Variants in BACC1 observed in about 807,000 individuals in gnomAD.
BACC1 encodes BPTF associated chromatin complex component 1.
the BACC1 span, chr17:7,016,497 C>T: frequency 1.2e-6 from 2 of 1,612,708 alleles, no homozygotes; most frequent in Non-Finnish European, 1.7e-6. Flanking sequence ...TTCTTCAGGG[C>T]CCAGATAAAG....
At chr17:7,017,254 CA>C in the BACC1 span, 1 of 1,614,114 alleles carries the variant, frequency 6.2e-7, no homozygotes, top group South Asian at 1.1e-5. Context: ...CTTCCTGTTC[CA>C]GACAGCCTGA....
At chr17:7,017,363 G>T in the BACC1 span, 1 of 1,563,174 alleles carries the variant, frequency 6.4e-7, no homozygotes, top group South Asian at 1.1e-5. Flanking sequence ...CCGGACCTGT[G>T]GATCTCCTGG....
At chr17:7,017,401 GGGCTGAAA>G in the BACC1 span, 4 of 1,385,332 alleles carry the variant, frequency 2.9e-6, no homozygotes, top group Middle Eastern at 3.5e-4. Flanking sequence ...GCACGAGAGA[GGGCTGAAA>G]GGCTGCTGGG....
the BACC1 span, chr17:7,015,957 C>A: frequency 8.7e-7 from 1 of 1,147,308 alleles, no homozygotes; most frequent in Non-Finnish European, 1.3e-6. Flanking sequence ...CTCAGAACTC[C>A]TTTCCAGCTC....
the BACC1 span, chr17:7,016,443 C>T: frequency 6.3e-7 from 1 of 1,578,892 alleles, no homozygotes; most frequent in Non-Finnish European, 8.6e-7. Context: ...GTCCCCTCTT[C>T]TGTTAGTCTC....
the BACC1 span, chr17:7,015,852 C>T: frequency 2.0e-5 from 33 of 1,613,980 alleles, no homozygotes; most frequent in South Asian, 3.4e-4. Context: ...ATCACATCAG[C>T]TGTGTCATCA....
At chr17:7,014,948 C>G in the BACC1 span, 6 of 1,471,372 alleles carry the variant, frequency 4.1e-6, no homozygotes, top group East Asian at 9.0e-5. The surrounding 1 kb of genome is among the most constrained non-coding windows in gnomAD (Gnocchi z 4.5). Flanking sequence ...TGGCTCGCGG[C>G]TCTTCCGCCC....
At chr17:7,015,658 G>A in the BACC1 span, 1 of 1,341,524 alleles carries the variant, frequency 7.5e-7, no homozygotes, top group Non-Finnish European at 1.0e-6. Flanking sequence ...TGCATCCGTG[G>A]AAGGGGTCCC....
chr17:7,014,849 C>T, the BACC1 span: 3 of 1,531,844 alleles, frequency 2.0e-6, no homozygotes, highest in Middle Eastern at 1.7e-4. The surrounding 1 kb of genome is among the most constrained non-coding windows in gnomAD (Gnocchi z 4.5). Context: ...TGAGGAGGCG[C>T]GCGGGGCCAT....
the BACC1 span, chr17:7,015,059 C>G: frequency 4.6e-6 from 7 of 1,534,760 alleles, no homozygotes; most frequent in Non-Finnish European, 6.1e-6. Context: ...GCCCCGCCCC[C>G]AGGTCGGAGA....
the BACC1 span, chr17:7,017,165 G>C: frequency 6.3e-7 from 1 of 1,578,284 alleles, no homozygotes; most frequent in East Asian, 2.2e-5. Context: ...CATTGGATCA[G>C]TACGTAGCAG....
the BACC1 span, chr17:7,016,060 C>G: frequency 1.0e-5 from 6 of 585,098 alleles, no homozygotes; most frequent in Non-Finnish European, 9.0e-6. Context: ...TCCTAAAATG[C>G]TGTGGTAATC....
the BACC1 span, chr17:7,015,123 A>G: frequency 1.9e-6 from 3 of 1,585,982 alleles, no homozygotes; most frequent in East Asian, 2.4e-5. Context: ...CTGACGATGC[A>G]GCTGCATCCC....
At chr17:7,017,050 T>A in the BACC1 span, 1 of 1,588,518 alleles carries the variant, frequency 6.3e-7, no homozygotes. Context: ...GCTGACGGGG[T>A]TGGGGAGAAA....
the BACC1 span, chr17:7,015,073 C>T: frequency 1.9e-6 from 3 of 1,560,206 alleles, no homozygotes; most frequent in African/African-American, 2.8e-5. Context: ...TCGGAGAGAT[C>T]TTCTCGGCGG....
At chr17:7,015,235 C>G in the BACC1 span, 1 of 1,456,792 alleles carries the variant, frequency 6.9e-7, no homozygotes, top group Non-Finnish European at 9.0e-7. Context: ...CTCTCTAGCA[C>G]AGGGACAGAC....
At chr17:7,016,197 A>T in the BACC1 span, 227 of 522,494 alleles carry the variant, frequency 4.3e-4, no homozygotes, top group Non-Finnish European at 6.9e-4. Context: ...GGTGACCCTG[A>T]ACTAGTTGAT....
the BACC1 span, chr17:7,017,275 C>T: frequency 6.2e-7 from 1 of 1,614,032 alleles, no homozygotes; most frequent in African/African-American, 1.3e-5. Context: ...ACCCTGGATT[C>T]TGGCCTTCTC....
the BACC1 span, chr17:7,015,865 G>A: frequency 6.2e-7 from 1 of 1,614,048 alleles, no homozygotes; most frequent in Non-Finnish European, 8.5e-7. Context: ...TGTCATCAAG[G>A]AACGGACAGT....
Sources: gnomAD v4.1 joint callset for allele counts on GRCh38, gnomAD v4.1.1 for gene constraint, Gnocchi (gnomAD v3.1) non-coding constraint, MANE v1.5 for transcripts, NCBI Gene and HGNC (gene_info 2026-07-23, HGNC 2026-07-21) for gene names.